Variants in TTC19 observed in about 807,000 individuals in gnomAD.
TTC19 encodes the protein tetratricopeptide repeat domain 19, also known as tetratricopeptide repeat protein 19, mitochondrial.
TTC19 carries 38 observed loss-of-function variants against 49.5 expected under a neutral mutation model. The ratio of observed to expected loss-of-function variants is 0.77; its 90% CI spans 0.59 to 1.01. TTC19 has a LOEUF of 1.01. TTC19 is among the 50% of genes least tolerant of loss of function. TTC19 has a pLI of 0.00. For synonymous variants in TTC19, 204 were observed against 185.2 expected (o/e 1.10, Z -0.83); for missense variants, 475 against 477.7 (o/e 0.99, Z 0.05).
intron 7 of TTC19, among the ~76,000 whole-genome samples, chr17:16,020,999 C>CT (rs1971361907): frequency 6.6e-6 from 1 of 151,774 alleles, no homozygotes; most frequent in Non-Finnish European, 1.5e-5. Flanking sequence ...TTTATAATTC[C>CT]TTCTATTTGT....
rs1451513241 is a variant in TTC19, at chr17:16,027,776, G to T, written c.*254G>T. The T allele has an allele frequency of 5.4e-6, 3 of 560,366 alleles. No homozygotes were observed. Among genetic ancestry groups the T allele is most frequent in the Non-Finnish European group, 1.0e-5 (3 of 294,938 alleles). The allele number at this position is 560,366 out of a possible 1,614,324, so 34.7% of individuals were successfully genotyped here. A position where few individuals can be genotyped will look rare whatever the true frequency, so the allele number is the denominator to read the frequency against. ...TGCTTTCAGTTGTAACACGTGACTT[G>T]GTGCTGTCCCTGCTGGTCTAAGTAG... On this transcript the variant is annotated 3_prime_UTR_variant, in exon 10 of 10. Transcript: ENST00000261647.
At chr17:16,031,675 A>G (rs919710957), downstream of TTC19, 7 of 227,426 alleles carry the variant, frequency 3.1e-5, no homozygotes, top group Non-Finnish European at 6.1e-5. Context: ...TTTTGACCCT[A>G]ATGTACAGAT....
intron 2 of TTC19, among the ~76,000 whole-genome samples, chr17:16,038,080 T>A (rs951500528): frequency 6.6e-6 from 1 of 152,144 alleles, no homozygotes; most frequent in African/African-American, 2.4e-5. Context: ...GTTTTTTTTT[T>A]AAGACCTCTA....
At chr17:16,043,657 A>G (rs1374815383) in intron 2 of TTC19, among the ~76,000 whole-genome samples, 2 of 152,222 alleles carry the variant, frequency 1.3e-5, no homozygotes, top group Non-Finnish European at 2.9e-5. Flanking sequence ...GGGTAAGACA[A>G]AGACTACAGA....
intron 7 of TTC19, among the ~76,000 whole-genome samples, chr17:16,014,307 G>A (rs2089340546): frequency 6.6e-6 from 1 of 152,216 alleles, no homozygotes. Flanking sequence ...AAATACATCA[G>A]TCTCCTTTCC....
At chr17:16,044,306 TC>T (rs1263027925) in intron 2 of TTC19, 4 of 447,674 alleles carry the variant, frequency 8.9e-6, no homozygotes, top group Non-Finnish European at 1.8e-5. Context: ...GAGGACAAGT[TC>T]AGAAACAGTG....
intron 7 of TTC19, among the ~76,000 whole-genome samples, chr17:16,016,866 G>GTTT (rs1971231561): frequency 6.6e-6 from 1 of 151,240 alleles, no homozygotes. Flanking sequence ...CCAGTTTTTG[G>GTTT]TATTTTTAGT....
chr17:16,036,225 AAGTGGATTGTTAATGAGC>A (rs766581475), intron 2 of TTC19, among the ~76,000 whole-genome samples: 22 of 152,200 alleles, frequency 1.4e-4, no homozygotes, highest in Non-Finnish European at 2.9e-4. Context: ...TTGGGTGACT[AAGTGGATTGTTAATGAGC>A]AGTATTGAAA....
At position 16,027,780 on chromosome 17, in the gene TTC19, C is replaced by T. The variant is rs1178465677; in HGVS notation, c.*258C>T. On this transcript the variant is annotated 3_prime_UTR_variant, in exon 10 of 10. Transcript: ENST00000261647. Reference sequence around the variant, plus strand: ...TTCAGTTGTAACACGTGACTTGGTGCTGTCCCTGCTGGTCTAAGTAGAACT... The same window carrying T: ...TTCAGTTGTAACACGTGACTTGGTGTTGTCCCTGCTGGTCTAAGTAGAACT... 2 of 549,518 alleles carry T rather than the reference C, an allele frequency of 3.6e-6. No individual in the cohort carries two copies. Among genetic ancestry groups the T allele is most frequent in the Non-Finnish European group, 6.9e-6 (2 of 288,066 alleles). 34.0% of individuals were successfully genotyped at this position (549,518 alleles called of 1,614,324 possible). A position where few individuals can be genotyped will look rare whatever the true frequency, so the allele number is the denominator to read the frequency against.
downstream of TTC19, chr17:16,031,885 C>T (rs1428067658): frequency 4.2e-6 from 1 of 235,590 alleles, no homozygotes. Context: ...TAAAAATCAC[C>T]CCCAAAGTTG....
rs1370738119 is a variant in TTC19 at position 16,029,025 on chromosome 17, A to G, written c.*1503A>G. ...GTCTAGCTCAGAGAGATAAGATACAATATAAATCAGACTGTTTCAGTAGAA... is the reference window on the plus strand; with the variant it reads ...GTCTAGCTCAGAGAGATAAGATACAGTATAAATCAGACTGTTTCAGTAGAA... On this transcript the variant is annotated 3_prime_UTR_variant, in exon 10 of 10. Coordinates refer to ENST00000261647, the MANE Select transcript of TTC19 (RefSeq NM_017775.4). 1 of 449,094 alleles carries G rather than the reference A, an allele frequency of 2.2e-6. No homozygotes were observed. The highest frequency in any genetic ancestry group is 4.4e-6 in the Non-Finnish European group (1 of 225,376). The allele number at this position is 449,094 out of a possible 1,614,324, so 27.8% of individuals were successfully genotyped here. A position where few individuals can be genotyped will look rare whatever the true frequency, so the allele number is the denominator to read the frequency against.
intron 7 of TTC19, among the ~76,000 whole-genome samples, chr17:16,016,662 A>G (rs1286327991): frequency 1.4e-5 from 2 of 145,592 alleles, no homozygotes; most frequent in Non-Finnish European, 3.0e-5. Flanking sequence ...GGTTCAAGTG[A>G]TTCTTGCACT....
At chr17:16,039,454 C>A (rs781496676) in intron 2 of TTC19, 1 of 1,614,048 alleles carries the variant, frequency 6.2e-7, no homozygotes, top group East Asian at 2.2e-5. Flanking sequence ...GATGGGTCCC[C>A]TTCCTCTCTT....
chr17:16,031,057 A>G (rs1418470564), downstream of TTC19: 1 of 193,616 alleles, frequency 5.2e-6, no homozygotes, highest in Non-Finnish European at 1.1e-5. Flanking sequence ...TTCAGCAAGC[A>G]ATTCTTAATG....
In TTC19 at chr17:16,026,588, C is replaced by G; in HGVS notation, c.880C>G (p.Arg294Gly). 1 of 1,614,110 alleles carries G rather than the reference C, an allele frequency of 6.2e-7. No individual in the cohort carries two copies. Among genetic ancestry groups the G allele is most frequent in the Non-Finnish European group, 8.5e-7 (1 of 1,179,992 alleles). Reference sequence around the variant, plus strand: ...GGCTACTACCCTGGATGCACAGGGCCGCTTTGATGAGGCCTATATTTATAT... The same window carrying G: ...GGCTACTACCCTGGATGCACAGGGCGGCTTTGATGAGGCCTATATTTATAT... ...DLATTLDAQG[R>G]FDEAYIYMQR... Residue 294 changes from arginine to glycine, a missense_variant, in exon 9 of 10, where the codon CGC (arginine) becomes GGC (glycine). Transcript: ENST00000261647.
chr17:16,015,621 G>C (rs946916155), intron 7 of TTC19, among the ~76,000 whole-genome samples: 1 of 151,972 alleles, frequency 6.6e-6, no homozygotes, highest in African/African-American at 2.4e-5. Context: ...CATAATATTT[G>C]GTTCCATGAG....
At chr17:16,024,462 ATT>A (rs71353766) in intron 7 of TTC19, 8 of 133,956 alleles carry the variant, frequency 6.0e-5, no homozygotes, top group East Asian at 2.1e-4. Context: ...CGCCTGGCTA[ATT>A]TTTTTTTTTT....
downstream of TTC19, among the ~76,000 whole-genome samples, chr17:16,033,146 G>A (rs1972637970): frequency 6.6e-6 from 1 of 152,070 alleles, no homozygotes; most frequent in Non-Finnish European, 1.5e-5. Flanking sequence ...GGGAGTTCAA[G>A]ACCAGCCTGA....
At position 16,028,231 on chromosome 17, in the gene TTC19, T is replaced by A. The variant is rs11554356; in HGVS notation, c.*709T>A. On this transcript the variant is annotated 3_prime_UTR_variant, in exon 10 of 10. Transcript: ENST00000261647. Reference sequence around the variant, plus strand: ...GATGTAACCTTTTGTCTGTGTTATCTGAACACTCTACTTCCTTTGCAGCCT... The same window carrying A: ...GATGTAACCTTTTGTCTGTGTTATCAGAACACTCTACTTCCTTTGCAGCCT... 19,113 of 454,104 alleles carry A rather than the reference T, an allele frequency of 0.042. 542 individuals carry two copies. Among genetic ancestry groups the A allele is most frequent in the African/African-American group, 0.097 (4,836 of 50,106 alleles). 28.1% of individuals were successfully genotyped at this position (454,104 alleles called of 1,614,324 possible). A position where few individuals can be genotyped will look rare whatever the true frequency, so the allele number is the denominator to read the frequency against.
Sources: gnomAD v4.1 joint callset for allele counts (sites outside exome capture counted in the v4.1 genomes callset) on GRCh38, gnomAD v4.1.1 for gene constraint, MANE v1.5 for transcripts, NCBI Gene and HGNC (gene_info 2026-07-23, HGNC 2026-07-21) for gene names.